Variants in OR8B3 observed in about 807,000 individuals in gnomAD.
The protein encoded by OR8B3 is olfactory receptor family 8 subfamily B member 3.
For missense variants in OR8B3, 278 were observed against 377.6 expected, an observed-to-expected ratio of 0.74 and a Z score of 2.19; for synonymous variants, 102 against 135.4, an observed-to-expected ratio of 0.75 and a Z score of 1.71.
upstream of OR8B3, among the ~76,000 whole-genome samples, chr11:124,401,037 T>C (rs556375558): frequency 3.3e-5 from 5 of 152,312 alleles, 1 homozygote; most frequent in South Asian, 1.0e-3. Flanking sequence ...AGTGTATCTC[T>C]AGTTTCTTTT....
upstream of OR8B3, among the ~76,000 whole-genome samples, chr11:124,403,359 G>A (rs1256599612): frequency 6.6e-6 from 1 of 151,846 alleles, no homozygotes; most frequent in East Asian, 1.9e-4. Context: ...TCCCAGACGG[G>A]GCGGCTGCCG....
chr11:124,404,055 T>C, the OR8B3 span, among the ~76,000 whole-genome samples: 1 of 152,120 alleles, frequency 6.6e-6, no homozygotes, highest in East Asian at 1.9e-4. Flanking sequence ...TGAGCAGAGA[T>C]GGCGGCAGCA....
chr11:124,408,278 G>C, the OR8B3 span, among the ~76,000 whole-genome samples: 1 of 152,008 alleles, frequency 6.6e-6, no homozygotes, highest in Non-Finnish European at 1.5e-5. Flanking sequence ...TCATTTTTCT[G>C]TCATATTTCA....
At chr11:124,400,235 A>G (rs1860970272), upstream of OR8B3, among the ~76,000 whole-genome samples, 1 of 152,164 alleles carries the variant, frequency 6.6e-6, no homozygotes, top group Admixed American at 6.5e-5. Context: ...ATATGTATTT[A>G]TGGGATACAA....
Position 124,396,402 on chromosome 11 carries a change from G to T in OR8B3, c.*8C>A, listed in dbSNP as rs191175580. 49 of 1,582,632 alleles carry T rather than the reference G, an allele frequency of 3.1e-5. No individual in the cohort carries two copies. The highest frequency in any genetic ancestry group is 4.0e-5 in the Non-Finnish European group (47 of 1,168,218). ...TCTTCAATCGTTTTACATTATTACTGCTTCTAATTAGAATATATTTCTTCT... is the reference window on the plus strand; with the variant it reads ...TCTTCAATCGTTTTACATTATTACTTCTTCTAATTAGAATATATTTCTTCT... On this transcript the variant is annotated 3_prime_UTR_variant, in exon 2 of 2. Coordinates refer to ENST00000641139, the MANE Select transcript of OR8B3 (RefSeq NM_001005467.2).
At position 124,396,450 on chromosome 11, in the gene OR8B3, C is replaced by T; in HGVS notation, c.902G>A (p.Arg301Lys). 6.2e-7 allele frequency: 1 copy of T among 1,612,296 alleles called. No homozygotes were observed. The highest frequency in any genetic ancestry group is 8.5e-7 in the Non-Finnish European group (1 of 1,179,634). The change falls in exon 2 of 2, where the codon AGG (arginine) becomes AAG (lysine). Residue 301 changes from arginine to lysine, a missense_variant. Coordinates refer to ENST00000641139, the MANE Select transcript of OR8B3 (RefSeq NM_001005467.2). ...LRNKDVKVALRKALIKIQRRN... is the reference protein window; with the variant it reads ...LRNKDVKVALKKALIKIQRRN... ...TCTCTGAATTTTAATCAGAGCTTTC[C>T]TCAGTGCAACTTTGACATCCTTGTT...
chr11:124,406,829 G>A, the OR8B3 span, among the ~76,000 whole-genome samples: 23 of 138,956 alleles, frequency 1.7e-4, no homozygotes, highest in South Asian at 7.2e-4. Flanking sequence ...ACACACACAC[G>A]CACAATCTTA....
chr11:124,405,422 A>C, the OR8B3 span, among the ~76,000 whole-genome samples: 2 of 152,140 alleles, frequency 1.3e-5, no homozygotes, highest in African/African-American at 4.8e-5. Flanking sequence ...ATTCCCCTAG[A>C]ATCTTTGATT....
At position 124,397,191 on chromosome 11, in the gene OR8B3, T is replaced by C. The variant is rs1476675789; in HGVS notation, c.161A>G (p.His54Arg). 1 of 1,611,010 alleles carries C rather than the reference T, an allele frequency of 6.2e-7. No individual in the cohort carries two copies. The highest frequency in any genetic ancestry group is 1.4e-5 in the African/African-American group (1 of 73,042). The change falls in exon 2 of 2, where the codon CAC becomes CGC. Residue 54 changes from histidine to arginine, a missense_variant. His to Arg is a conservative substitution (Grantham distance 29). Transcript: ENST00000641139. ...GLIILFGLNS[H>R]LHTPMYYFLF... ...GAAATAGTACATTGGTGTGTGGAGGTGAGAATTTAGACCGAAAAGAATGAT... is the reference window on the plus strand; with the variant it reads ...GAAATAGTACATTGGTGTGTGGAGGCGAGAATTTAGACCGAAAAGAATGAT...
At chr11:124,399,528 C>G (rs1372449239), upstream of OR8B3, among the ~76,000 whole-genome samples, 21 of 152,064 alleles carry the variant, frequency 1.4e-4, no homozygotes, top group Non-Finnish European at 2.6e-4. Flanking sequence ...TATTCATGGG[C>G]CGTTATTTCA....
chr11:124,409,756 C>G, the OR8B3 span, among the ~76,000 whole-genome samples: 1 of 152,182 alleles, frequency 6.6e-6, no homozygotes, highest in African/African-American at 2.4e-5. Flanking sequence ...TGTGTGCTCA[C>G]AGACATCACC....
At chr11:124,400,523 TC>T (rs1390310516), upstream of OR8B3, among the ~76,000 whole-genome samples, 1 of 152,138 alleles carries the variant, frequency 6.6e-6, no homozygotes, top group Non-Finnish European at 1.5e-5. Context: ...TTGTTTTTTT[TC>T]TTTTTATTAT....
At chr11:124,397,669 G>T (rs564929215) in intron 1 of OR8B3, among the ~76,000 whole-genome samples, 1 of 151,532 alleles carries the variant, frequency 6.6e-6, no homozygotes, top group Non-Finnish European at 1.5e-5. Context: ...CATCTCCCTC[G>T]CTTCCATCTG....
chr11:124,400,850 G>A (rs975682582), upstream of OR8B3, among the ~76,000 whole-genome samples: 9 of 151,916 alleles, frequency 5.9e-5, no homozygotes, highest in Non-Finnish European at 1.2e-4. Flanking sequence ...ACAGATGTGA[G>A]CCATCACACC....
rs1860860917 is a variant in OR8B3, at chr11:124,396,112, T to C, written c.*298A>G. 2 of 227,768 alleles carry C rather than the reference T, an allele frequency of 8.8e-6. No individual in the cohort carries two copies. Among genetic ancestry groups the C allele is most frequent in the Non-Finnish European group, 1.7e-5 (2 of 117,666 alleles). 14.1% of individuals were successfully genotyped at this position (227,768 alleles called of 1,614,324 possible). On this transcript the variant is annotated 3_prime_UTR_variant, in exon 2 of 2. Transcript: ENST00000641139. ...TGACATCTTTATAATTCATGAAATT[T>C]ACCATATATGTCCAATTAAGAACAG...
At chr11:124,403,679 G>A (rs1223139595), upstream of OR8B3, among the ~76,000 whole-genome samples, 1 of 152,156 alleles carries the variant, frequency 6.6e-6, no homozygotes, top group East Asian at 1.9e-4. Flanking sequence ...TGGGCGGCCA[G>A]GCAGAGACGC....
chr11:124,399,526 G>T (rs906153576), upstream of OR8B3, among the ~76,000 whole-genome samples: 9 of 152,144 alleles, frequency 5.9e-5, no homozygotes, highest in South Asian at 1.0e-3. Context: ...ACTATTCATG[G>T]GCCGTTATTT....
the OR8B3 span, among the ~76,000 whole-genome samples, chr11:124,407,392 C>T: frequency 6.6e-5 from 10 of 152,124 alleles, no homozygotes; most frequent in African/African-American, 2.2e-4. Flanking sequence ...AAATTGAGAA[C>T]GTAGTACAGA....
chr11:124,408,783 T>C, the OR8B3 span, among the ~76,000 whole-genome samples: 53,220 of 151,984 alleles, frequency 0.35, 10,758 homozygotes, highest in African/African-American at 0.56. Flanking sequence ...TAAGACATGT[T>C]CACCAGTGCC....
Sources: gnomAD v4.1 joint callset for allele counts (sites outside exome capture counted in the v4.1 genomes callset) on GRCh38, gnomAD v4.1.1 for gene constraint, MANE v1.5 for transcripts, NCBI Gene and HGNC (gene_info 2026-07-23, HGNC 2026-07-21) for gene names.